The following CFAP54 variants were observed in gnomAD, a reference collection of about 807,000 sequenced individuals.
The protein encoded by CFAP54 is cilia and flagella associated protein 54.
CFAP54 carries 290 observed loss-of-function variants against 370.4 expected under a neutral mutation model. The ratio of observed to expected loss-of-function variants is 0.78; its 90% CI spans 0.71 to 0.86. The LOEUF is 0.86. CFAP54 is among the 40% of genes least tolerant of loss of function. The pLI, the probability that CFAP54 is intolerant of heterozygous loss-of-function variation, is 0.00. For synonymous variants in CFAP54, 1,206 were observed against 1,236.5 expected, an observed-to-expected ratio of 0.98 and a Z score of 0.52; for missense variants, 3,399 against 3,528.7, an observed-to-expected ratio of 0.96 and a Z score of 0.93.
At chr12:96,737,723 C>T (rs1592734185) in intron 50 of CFAP54, among the ~76,000 whole-genome samples, 1 of 152,006 alleles carries the variant, frequency 6.6e-6, no homozygotes, top group South Asian at 2.1e-4. Flanking sequence ...CTCCTGACCT[C>T]GTGATATGCC....
intron 19 of CFAP54, among the ~76,000 whole-genome samples, chr12:96,566,487 G>A (rs1955866304): frequency 6.6e-6 from 1 of 152,068 alleles, no homozygotes; most frequent in Non-Finnish European, 1.5e-5. Flanking sequence ...TGGAGGATTA[G>A]ATTTTTTTTA....
At chr12:96,833,324 T>A (rs1227629147) in intron 66 of CFAP54, among the ~76,000 whole-genome samples, 1 of 152,218 alleles carries the variant, frequency 6.6e-6, no homozygotes, top group East Asian at 1.9e-4. Context: ...GGCTAAGTTC[T>A]TTAATAGAAT....
intron 66 of CFAP54, among the ~76,000 whole-genome samples, chr12:96,851,096 T>G (rs1466590500): frequency 6.6e-6 from 1 of 152,238 alleles, no homozygotes; most frequent in Non-Finnish European, 1.5e-5. Flanking sequence ...TTATTTGAAA[T>G]TATGTAAATT....
intron 58 of CFAP54, among the ~76,000 whole-genome samples, chr12:96,760,962 A>G (rs1037994080): frequency 2.0e-5 from 3 of 152,086 alleles, no homozygotes; most frequent in East Asian, 1.9e-4. Context: ...TATGTTTTCA[A>G]TTCTTTTGAG....
chr12:96,700,877 A>G (rs1957484569), intron 46 of CFAP54, among the ~76,000 whole-genome samples: 1 of 152,112 alleles, frequency 6.6e-6, no homozygotes, highest in South Asian at 2.1e-4. Context: ...GATAGGCACA[A>G]TACCAGCTGG....
chr12:96,774,147 A>AT (rs1958491564), intron 60 of CFAP54, among the ~76,000 whole-genome samples: 1 of 152,118 alleles, frequency 6.6e-6, no homozygotes, highest in Admixed American at 6.5e-5. Context: ...ATCTTTCCCG[A>AT]TTAAAAAAAA....
chr12:96,756,986 T>G (rs902570651), intron 57 of CFAP54, among the ~76,000 whole-genome samples: 1 of 152,222 alleles, frequency 6.6e-6, no homozygotes, highest in Non-Finnish European at 1.5e-5. Context: ...GTAAGCCACC[T>G]TTATTACAAC....
rs183253821 is a variant in CFAP54 at position 96,624,367 on chromosome 12, T to A, written c.3886+486T>A. The stretch of plus-strand genomic sequence containing the variant: ...AAAATCACTGCTTTGAAGTCAGAAA[T>A]GCAACTGAGAAATAAAGGAATAGTG... On this transcript the variant is annotated intron_variant, in intron 28 of 67. Transcript: ENST00000524981. Among the ~76,000 whole-genome samples the A allele has an allele frequency of 1.7e-3, 258 of 152,308 alleles. 1 individual carries two copies. Among genetic ancestry groups the A allele is most frequent in the Middle Eastern group, 6.8e-3 (2 of 294 alleles).
At position 96,598,714 on chromosome 12, in the gene CFAP54, A is replaced by G; in HGVS notation, c.3586A>G (p.Ser1196Gly). 1 of 683,988 alleles carries G rather than the reference A, an allele frequency of 1.5e-6. No homozygotes were observed. 42.4% of individuals were successfully genotyped at this position (683,988 alleles called of 1,614,324 possible). ...SIVCSKKHTA[S>G]FESIQHMIAC... ...TGTCTGCTCGAAGAAACATACTGCG[A>G]GCTTTGAAAGTATACAACACATGAT... Residue 1196 changes from serine (S) to glycine (G), a missense_variant, in exon 26 of 68, where the codon AGC becomes GGC. Around this residue, in one of 3 missense-constraint regions of CFAP54, gnomAD observed 2,796 missense variants for 2,869.7 expected, o/e 0.97. Transcript: ENST00000524981.
chr12:96,672,934 C>T (rs914141602), intron 39 of CFAP54, among the ~76,000 whole-genome samples: 22 of 152,104 alleles, frequency 1.4e-4, no homozygotes, highest in South Asian at 8.3e-4. Context: ...ATCAGAAAAG[C>T]ACTTTGTTTG....
chr12:96,859,531 G>A (rs936511937), intron 66 of CFAP54, among the ~76,000 whole-genome samples: 1 of 151,876 alleles, frequency 6.6e-6, no homozygotes, highest in Admixed American at 6.5e-5. Context: ...TCAGCCTTTC[G>A]AGTAGCTGGG....
At chr12:96,677,819 A>G (rs1957228687) in intron 39 of CFAP54, among the ~76,000 whole-genome samples, 1 of 152,140 alleles carries the variant, frequency 6.6e-6, no homozygotes, top group South Asian at 2.1e-4. Flanking sequence ...GGATTTCTGG[A>G]CATTAGGGTA....
At chr12:96,779,855 G>A (rs963053755) in intron 60 of CFAP54, among the ~76,000 whole-genome samples, 2 of 151,796 alleles carry the variant, frequency 1.3e-5, no homozygotes, top group Non-Finnish European at 2.9e-5. Flanking sequence ...GAGAGGAAAG[G>A]GCCCTCAGTG....
In CFAP54 at chr12:96,873,899, G is replaced by T. The variant is rs1017107326; in HGVS notation, c.*15-1219G>T. Among the ~76,000 whole-genome samples the T allele has an allele frequency of 3.3e-5, 5 of 152,184 alleles. No homozygotes were observed. In the East Asian group the frequency reaches 9.7e-4, roughly 29 times the overall value. On this transcript the variant is annotated intron_variant, in intron 67 of 67. Coordinates refer to ENST00000524981, the MANE Select transcript of CFAP54 (RefSeq NM_001306084.2). ...GCAGTGGTCCAGATTTTACCTGGGG[G>T]CTATGATTTGCTGACCCAAGACTTC...
At chr12:96,855,573 A>G (rs1367777732) in intron 66 of CFAP54, among the ~76,000 whole-genome samples, 1 of 152,252 alleles carries the variant, frequency 6.6e-6, no homozygotes, top group East Asian at 1.9e-4. Flanking sequence ...TCCAAAATCC[A>G]AAAGGGCAGT....
At chr12:96,613,331 G>A (rs986523328) in intron 26 of CFAP54, among the ~76,000 whole-genome samples, 4 of 152,162 alleles carry the variant, frequency 2.6e-5, no homozygotes, top group Non-Finnish European at 1.5e-5. Flanking sequence ...TGAGAACATA[G>A]ACACAACATA....
At chr12:96,658,688 T>A (rs182643939) in intron 38 of CFAP54, among the ~76,000 whole-genome samples, 79 of 151,740 alleles carry the variant, frequency 5.2e-4, no homozygotes, top group Admixed American at 1.8e-3. Context: ...TGCAGTGGTA[T>A]AATCTCAGCT....
At chr12:96,844,796 C>T (rs937055653) in intron 66 of CFAP54, among the ~76,000 whole-genome samples, 2 of 152,188 alleles carry the variant, frequency 1.3e-5, no homozygotes, top group South Asian at 4.1e-4. Flanking sequence ...CTCCTTCTCA[C>T]CGTGTCTGTC....
At chr12:96,739,826 G>A (rs551852432) in intron 50 of CFAP54, 130 bp from the exon 51 acceptor site, 40 of 574,116 alleles carry the variant, frequency 7.0e-5, no homozygotes, top group African/African-American at 6.8e-4. Context: ...CTGCAGAAAT[G>A]GCACCTAACA....
Sources: gnomAD v4.1 joint callset for allele counts (sites outside exome capture counted in the v4.1 genomes callset) on GRCh38, gnomAD v4.1.1 for gene constraint, gnomAD v4.1.1 regional missense constraint, MANE v1.5 for transcripts, NCBI Gene and HGNC (gene_info 2026-07-23, HGNC 2026-07-21) for gene names.